The following CSMD3 variants were observed in gnomAD, a reference collection of about 807,000 sequenced individuals.
CSMD3 encodes CUB and sushi domain-containing protein 3.
Under a neutral mutation model 435.2 loss-of-function variants are expected in CSMD3, and 177 were observed. The observed-to-expected ratio is 0.41, with a 90% CI of 0.36 to 0.46. CSMD3 has a LOEUF of 0.46. CSMD3 is among the 20% of genes least tolerant of loss of function. The probability of loss-of-function intolerance (pLI) is 0.34; values close to 1 mark genes in which losing one functional copy is unlikely to be tolerated. For synonymous variants in CSMD3, 1,656 were observed against 1,520.5 expected, an observed-to-expected ratio of 1.09 and a Z score of -2.07; for missense variants, 4,265 against 4,504.6, an observed-to-expected ratio of 0.95 and a Z score of 1.52.
In CSMD3 at chr8:112,698,669, TCAAA is replaced by T. The variant is rs574088627; in HGVS notation, c.1973-8623_1973-8620del. Among the ~76,000 whole-genome samples the T allele has an allele frequency of 7.2e-5, 11 of 152,182 alleles. No individual in the cohort carries two copies. In the East Asian group the frequency reaches 1.7e-3, roughly 24 times the overall value. ...TGGCTATTCTGGTGCAATTTAACCA[TCAAA>T]CAAAGATAATGGCAGAGTACAACAC... On this transcript the variant is annotated intron_variant, in intron 13 of 70. Transcript: ENST00000297405.
Position 112,255,325 on chromosome 8 carries a change from A to G in CSMD3, c.9965T>C (p.Ile3322Thr), listed in dbSNP as rs554482494. The change falls in exon 62 of 71, where the codon ATA becomes ACA. Residue 3322 changes from isoleucine (I) to threonine (T), a missense_variant. Ile to Thr is a moderately conservative substitution (Grantham distance 89, BLOSUM62 -1). Transcript: ENST00000297405. The part of the protein sequence containing the change: ...EVSFSCNFPF[I>T]LVGSSTRICQ... The stretch of plus-strand genomic sequence containing the variant: ...TATTCTGGTGCTTGATCCCACTAAT[A>G]TGAAAGGAAAATTGCAGCTGAATGA... The G allele has an allele frequency of 3.3e-5, 53 of 1,613,586 alleles. No individual in the cohort carries two copies. Among genetic ancestry groups the G allele is most frequent in the Non-Finnish European group, 4.3e-5 (51 of 1,179,770 alleles).
intron 14 of CSMD3, among the ~76,000 whole-genome samples, chr8:112,686,393 G>C (rs2076011227): frequency 6.6e-6 from 1 of 150,732 alleles, no homozygotes; most frequent in Non-Finnish European, 1.5e-5. Flanking sequence ...AGAAAGCAGA[G>C]GAAAAATAAA....
At chr8:113,066,092 T>C (rs1250173531) in intron 5 of CSMD3, among the ~76,000 whole-genome samples, 3 of 147,592 alleles carry the variant, frequency 2.0e-5, no homozygotes, top group African/African-American at 7.5e-5. Flanking sequence ...AAACCCTTAT[T>C]CTTGCTCTTG....
chr8:112,474,412 A>C (rs1008548666), intron 31 of CSMD3, among the ~76,000 whole-genome samples: 1 of 152,158 alleles, frequency 6.6e-6, no homozygotes, highest in African/African-American at 2.4e-5. Flanking sequence ...GGAATGTATA[A>C]AGTAGTTTGG....
intron 38 of CSMD3, among the ~76,000 whole-genome samples, chr8:112,369,516 G>A (rs1828115800): frequency 6.6e-6 from 1 of 152,088 alleles, no homozygotes; most frequent in South Asian, 2.1e-4. Flanking sequence ...TATACACCAT[G>A]GAATACTATG....
intron 10 of CSMD3, among the ~76,000 whole-genome samples, chr8:112,864,943 T>C (rs1215601336): frequency 1.3e-5 from 2 of 152,190 alleles, no homozygotes; most frequent in African/African-American, 2.4e-5. Flanking sequence ...TGTGTTTTTA[T>C]AAAGGAAGAT....
At chr8:113,188,958 A>G (rs764877623) in intron 3 of CSMD3, among the ~76,000 whole-genome samples, 1 of 151,868 alleles carries the variant, frequency 6.6e-6, no homozygotes, top group Non-Finnish European at 1.5e-5. Context: ...ACTGGTTCAT[A>G]CTGAAAAGGT....
intron 59 of CSMD3, among the ~76,000 whole-genome samples, chr8:112,269,023 A>T (rs1048493935): frequency 2.0e-5 from 3 of 152,052 alleles, no homozygotes; most frequent in Admixed American, 6.6e-5. Flanking sequence ...ATCCAAAAGC[A>T]CCCCCTGCCC....
intron 53 of CSMD3, among the ~76,000 whole-genome samples, chr8:112,297,079 A>T (rs1013914870): frequency 2.6e-5 from 4 of 151,286 alleles, no homozygotes; most frequent in Admixed American, 2.0e-4. Flanking sequence ...CTATTAAAAT[A>T]TGTGAATTCT....
At chr8:112,335,241 T>A in intron 45 of CSMD3, 88 bp downstream of exon 45, 2 of 1,284,068 alleles carry the variant, frequency 1.6e-6, no homozygotes, top group Non-Finnish European at 2.2e-6. Context: ...ACCTTTTCAA[T>A]CATTGGTTAA....
chr8:112,613,912 C>T (rs1833464734), intron 22 of CSMD3, among the ~76,000 whole-genome samples: 1 of 152,066 alleles, frequency 6.6e-6, no homozygotes, highest in African/African-American at 2.4e-5. Flanking sequence ...TGCTTGAGGC[C>T]TAGAGTTTGA....
At chr8:113,197,793 T>C (rs1311487567) in intron 3 of CSMD3, among the ~76,000 whole-genome samples, 1 of 151,230 alleles carries the variant, frequency 6.6e-6, no homozygotes, top group Non-Finnish European at 1.5e-5. Flanking sequence ...ACAATCTTAA[T>C]AGTTCAATAT....
chr8:112,899,444 A>T (rs997024916), intron 10 of CSMD3, among the ~76,000 whole-genome samples: 1 of 148,652 alleles, frequency 6.7e-6, no homozygotes, highest in African/African-American at 2.5e-5. Context: ...TTCAAAAGTT[A>T]TTTTCATTCT....
intron 5 of CSMD3, among the ~76,000 whole-genome samples, chr8:113,084,561 A>C (rs2131470095): frequency 6.6e-6 from 1 of 151,618 alleles, no homozygotes; most frequent in South Asian, 2.1e-4. Context: ...AATCTCTATC[A>C]AAATACCAAT....
intron 1 of CSMD3, chr8:113,377,204 G>C: frequency 9.3e-7 from 1 of 1,080,720 alleles, no homozygotes. Context: ...CCGGAAGTTC[G>C]AGCGCGCGAG....
intron 5 of CSMD3, among the ~76,000 whole-genome samples, chr8:113,057,742 T>A (rs1008819870): frequency 3.3e-5 from 5 of 151,954 alleles, no homozygotes; most frequent in Admixed American, 6.6e-5. Flanking sequence ...CTTTCTTTTT[T>A]AAAAATTCTA....
intron 6 of CSMD3, among the ~76,000 whole-genome samples, chr8:113,014,142 G>A (rs902855575): frequency 1.3e-5 from 2 of 152,056 alleles, no homozygotes; most frequent in African/African-American, 4.8e-5. Flanking sequence ...AACAATTGTG[G>A]CCATGGTTTC....
At chr8:112,759,614 T>C (rs1267316999) in intron 13 of CSMD3, among the ~76,000 whole-genome samples, 1 of 152,164 alleles carries the variant, frequency 6.6e-6, no homozygotes, top group African/African-American at 2.4e-5. Context: ...CATATGGTGA[T>C]AGAACATAAT....
intron 24 of CSMD3, among the ~76,000 whole-genome samples, chr8:112,560,543 A>ATAGTT (rs1239483976): frequency 2.6e-5 from 4 of 151,742 alleles, no homozygotes; most frequent in Non-Finnish European, 5.9e-5. Flanking sequence ...ATTTTTAAAA[A>ATAGTT]TAGTTTCAAG....
Sources: allele counts gnomAD v4.1 joint callset (sites outside exome capture counted in the v4.1 genomes callset), GRCh38; gene constraint gnomAD v4.1.1; transcripts MANE v1.5; gene names NCBI Gene and HGNC (gene_info 2026-07-23, HGNC 2026-07-21).